SPDYE18: variants seen among roughly 807,000 people sequenced by gnomAD.
The protein encoded by SPDYE18 is speedy/RINGO cell cycle regulator family member E18.
SPDYE18 carries 6 observed loss-of-function variants against 44.9 expected under a neutral mutation model. The observed-to-expected ratio is 0.13, with a 90% CI of 0.07 to 0.26. The LOEUF (loss-of-function observed/expected upper bound fraction) is 0.26. Among genes scored for constraint, SPDYE18 ranks in the 10% least tolerant of loss-of-function variants. The pLI, the probability that SPDYE18 is intolerant of heterozygous loss-of-function variation, is 1.00. For synonymous variants in SPDYE18, 35 were observed against 177.1 expected, an observed-to-expected ratio of 0.20 and a Z score of 6.37; for missense variants, 121 against 463.2, an observed-to-expected ratio of 0.26 and a Z score of 6.78.
rs1020712502 is a variant in SPDYE18 at position 77,060,440 on chromosome 7, G to A, written c.73C>T (p.His25Tyr). 1.4e-5 allele frequency: 22 copies of A among 1,535,328 alleles called. No individual in the cohort carries two copies. The highest frequency in any genetic ancestry group is 5.9e-5 in the Admixed American group (3 of 50,968). Residue 25 changes from histidine to tyrosine, a missense_variant, in exon 2 of 9, where the codon CAC becomes TAC. By Grantham distance (83) the His-to-Tyr change is moderately conservative. Coordinates refer to ENST00000510091, the MANE Select transcript of SPDYE18 (RefSeq NM_001394953.1). ...TGGAGACTCTGCTCATTCTGGGGGT[G>A]CGGTTGACGGCTGGTCGTGATCTTT... The part of the protein sequence containing the change: ...TGKITTSRQP[H>Y]PQNEQSLQRS...
chr7:77,054,626 G>C (rs1336813773), intron 6 of SPDYE18, among the ~76,000 whole-genome samples: 3 of 152,236 alleles, frequency 2.0e-5, no homozygotes, highest in Non-Finnish European at 4.4e-5. Flanking sequence ...GAGAGAGAGA[G>C]AGAAGAACCA....
intron 2 of SPDYE18, among the ~76,000 whole-genome samples, chr7:77,060,028 C>CT (rs71251020): frequency 0.43 from 50,635 of 117,028 alleles, 11,837 homozygotes; most frequent in African/African-American, 0.67. Flanking sequence ...TTTTTCTTTT[C>CT]TTTTTTTTTT....
rs1390148495 is a variant in SPDYE18, at chr7:77,056,091, A to AAG, written c.669+458_669+459insCT. 5.7e-5 allele frequency among the ~76,000 whole-genome samples: 7 copies of AAG among 121,842 alleles called. No homozygotes were observed. In the East Asian group the frequency reaches 2.0e-3, roughly 34 times the overall value. 79.9% of individuals were successfully genotyped at this position (121,842 alleles called of 152,430 possible). A position where few individuals can be genotyped will look rare whatever the true frequency, so the allele number is the denominator to read the frequency against. On this transcript the variant is annotated intron_variant, in intron 5 of 8. Coordinates refer to ENST00000510091, the MANE Select transcript of SPDYE18 (RefSeq NM_001394953.1). ...GAGCTAGACTCTGTCTCACAAAAAA[A>AAG]AAATGTGTGGGTGCCAAGACTCAAG...
Position 77,051,315 on chromosome 7 carries a change from T to G in SPDYE18, c.*610A>C, listed in dbSNP as rs1172717305. Among the ~76,000 whole-genome samples, 1 of 152,234 alleles carries G rather than the reference T, an allele frequency of 6.6e-6. No homozygotes were observed. The highest frequency in any genetic ancestry group is 6.5e-5 in the Admixed American group (1 of 15,278). ...TTTATGTATATATAACAACTATAAC[T>G]CTCATCAAAAAACTACAGGAACAGC... On this transcript the variant is annotated 3_prime_UTR_variant, in exon 9 of 9. Coordinates refer to ENST00000510091, the MANE Select transcript of SPDYE18 (RefSeq NM_001394953.1).
intron 6 of SPDYE18, among the ~76,000 whole-genome samples, chr7:77,054,651 C>T (rs1350533387): frequency 6.6e-6 from 1 of 152,220 alleles, no homozygotes; most frequent in Non-Finnish European, 1.5e-5. Context: ...CGTCTGCTTG[C>T]TGGAGGAAGC....
At chr7:77,060,995 A>T (rs1054502491) in intron 1 of SPDYE18, among the ~76,000 whole-genome samples, 62 bp from the exon 2 acceptor site, 1 of 121,108 alleles carries the variant, frequency 8.3e-6, no homozygotes, top group Non-Finnish European at 1.9e-5. Context: ...ATGAAACCTT[A>T]TAAGAGTGAG....
chr7:77,060,934 C>G lies in SPDYE18; in HGVS notation c.-421-1G>C, dbSNP rs1490977642. 6.0e-5 allele frequency among the ~76,000 whole-genome samples: 9 copies of G among 151,128 alleles called. No individual in the cohort carries two copies. The highest frequency in any genetic ancestry group is 8.8e-5 in the Non-Finnish European group (6 of 67,924). On this transcript the variant is annotated splice_acceptor_variant, in intron 1 of 8. Transcript: ENST00000510091. LOFTEE classifies it low-confidence loss of function (5UTR_SPLICE). ...GTACATGCCCATTTCAGAGTCCAGT[C>G]TGGTGGGAGAGGGAACAGAGTGGGA...
intron 2 of SPDYE18, among the ~76,000 whole-genome samples, chr7:77,060,008 C>T (rs1015526225): frequency 5.6e-5 from 8 of 141,866 alleles, no homozygotes; most frequent in Non-Finnish European, 1.1e-4. Flanking sequence ...ACCGCTGACC[C>T]TTCTTTTCTT....
chr7:77,062,455 A>G (rs1790033132), intron 1 of SPDYE18, among the ~76,000 whole-genome samples, 41 bp downstream of exon 1: 1 of 152,028 alleles, frequency 6.6e-6, no homozygotes, highest in Admixed American at 6.6e-5. Context: ...GATTTAACCC[A>G]TCTTCAAGCC....
At chr7:77,060,094 C>G (rs1320230410) in intron 2 of SPDYE18, among the ~76,000 whole-genome samples, 3 of 146,438 alleles carry the variant, frequency 2.0e-5, no homozygotes, top group African/African-American at 7.7e-5. Context: ...CTCCCAGTCT[C>G]AAGTGATTCT....
In SPDYE18 at chr7:77,051,525, A is replaced by G. The variant is rs1314947811; in HGVS notation, c.*400T>C. Among the ~76,000 whole-genome samples, 1 of 152,284 alleles carries G rather than the reference A, an allele frequency of 6.6e-6. No individual in the cohort carries two copies. The highest frequency in any genetic ancestry group is 2.4e-5 in the African/African-American group (1 of 41,484). On this transcript the variant is annotated 3_prime_UTR_variant, in exon 9 of 9. Coordinates refer to ENST00000510091, the MANE Select transcript of SPDYE18 (RefSeq NM_001394953.1). ...TCTGAGCCCCTGCATTGTGCCTTCA[A>G]ATGCTCCTGGACTGTGGCAACCAAG...
chr7:77,055,325 A>T lies in SPDYE18; in HGVS notation c.670-4T>A, dbSNP rs1789901459. ...CTATGACCATAGCCAGGAGATACTG[A>T]TGGAGAGAAAGGAACACAGAGAGGG... On this transcript the variant is annotated splice_polypyrimidine_tract_variant and splice_region_variant and intron_variant, in intron 5 of 8. Transcript: ENST00000510091. 1 of 956,180 alleles carries T rather than the reference A, an allele frequency of 1.0e-6. No individual in the cohort carries two copies. The highest frequency in any genetic ancestry group is 2.1e-5 in the Admixed American group (1 of 47,912). 59.2% of individuals were successfully genotyped at this position (956,180 alleles called of 1,614,324 possible).
At chr7:77,053,527 A>T (rs1474082852) in intron 6 of SPDYE18, among the ~76,000 whole-genome samples, 1 of 152,202 alleles carries the variant, frequency 6.6e-6, no homozygotes, top group South Asian at 2.1e-4. Flanking sequence ...ACATAGCAAG[A>T]CCCTCGTCTC....
chr7:77,051,483 A>G lies in SPDYE18; in HGVS notation c.*442T>C, dbSNP rs1372244508. 1.3e-5 allele frequency among the ~76,000 whole-genome samples: 2 copies of G among 152,268 alleles called. No individual in the cohort carries two copies. The highest frequency in any genetic ancestry group is 2.4e-5 in the African/African-American group (1 of 41,474). Reference sequence around the variant, plus strand: ...CAATCTGTGGCACTGATATTTCACAAAAGAATTCTGTGCCAATCTGAGCCC... The same window carrying G: ...CAATCTGTGGCACTGATATTTCACAGAAGAATTCTGTGCCAATCTGAGCCC... On this transcript the variant is annotated 3_prime_UTR_variant, in exon 9 of 9. Coordinates refer to ENST00000510091, the MANE Select transcript of SPDYE18 (RefSeq NM_001394953.1).
At position 77,055,460 on chromosome 7, in the gene SPDYE18, G is replaced by C. The variant is rs1487768730; in HGVS notation, c.670-139C>G. ...GTGTTGGGGTGACTGTACTCATTTG[G>C]AAATTGCGGGATGGAGGGGTATTCG... On this transcript the variant is annotated intron_variant, in intron 5 of 8. Coordinates refer to ENST00000510091, the MANE Select transcript of SPDYE18 (RefSeq NM_001394953.1). 3 of 1,204,452 alleles carry C rather than the reference G, an allele frequency of 2.5e-6. No homozygotes were observed. In the East Asian group the frequency reaches 7.4e-5, roughly 30 times the overall value. 74.6% of individuals were successfully genotyped at this position (1,204,452 alleles called of 1,614,324 possible).
chr7:77,060,028 CTTTT>C (rs71251020), intron 2 of SPDYE18, among the ~76,000 whole-genome samples: 1 of 117,120 alleles, frequency 8.5e-6, no homozygotes, highest in Non-Finnish European at 1.8e-5. Flanking sequence ...TTTTTCTTTT[CTTTT>C]TTTTTTTTTT....
chr7:77,050,776 TTATA>T lies in SPDYE18; in HGVS notation c.*1145_*1148del, dbSNP rs1480332734. Among the ~76,000 whole-genome samples, 3 of 151,938 alleles carry T rather than the reference TTATA, an allele frequency of 2.0e-5. No individual in the cohort carries two copies. The highest frequency in any genetic ancestry group is 4.4e-5 in the Non-Finnish European group (3 of 67,976). On this transcript the variant is annotated 3_prime_UTR_variant, in exon 9 of 9. Coordinates refer to ENST00000510091, the MANE Select transcript of SPDYE18 (RefSeq NM_001394953.1). Reference sequence around the variant, plus strand: ...TCCTCTCTTAAAAAGGAAAACAAAATTATATGTATGTGTATATAATAGTTATAAC... The same window carrying T: ...TCCTCTCTTAAAAAGGAAAACAAAATTGTATGTGTATATAATAGTTATAAC...
At chr7:77,052,272 C>T (rs1246639503) in intron 8 of SPDYE18, among the ~76,000 whole-genome samples, 2 of 152,006 alleles carry the variant, frequency 1.3e-5, no homozygotes, top group African/African-American at 2.4e-5. Flanking sequence ...TCACGAACCA[C>T]GAGTCCAGAA....
intron 2 of SPDYE18, among the ~76,000 whole-genome samples, chr7:77,059,700 A>G (rs1236523381): frequency 6.7e-6 from 1 of 150,020 alleles, no homozygotes; most frequent in Non-Finnish European, 1.5e-5. Flanking sequence ...CCCAGGCTGG[A>G]GTGTAGTGGT....
Sources: allele counts gnomAD v4.1 joint callset (sites outside exome capture counted in the v4.1 genomes callset), GRCh38; gene constraint gnomAD v4.1.1; transcripts MANE v1.5; gene names NCBI Gene and HGNC (gene_info 2026-07-23, HGNC 2026-07-21).